Variants in IARS2 observed in about 807,000 individuals in gnomAD.
IARS2 encodes the protein isoleucyl-tRNA synthetase 2, mitochondrial, also known as isoleucine--tRNA ligase, mitochondrial.
A neutral mutation model predicts 126.3 loss-of-function variants in IARS2; 56 were observed. The ratio of observed to expected loss-of-function variants is 0.44; its 90% CI spans 0.36 to 0.55. The LOEUF (loss-of-function observed/expected upper bound fraction) is 0.55. IARS2 is among the 20% of genes least tolerant of loss of function. The probability of loss-of-function intolerance (pLI) is 0.00; values close to 1 mark genes in which losing one functional copy is unlikely to be tolerated. For missense variants in IARS2, 1,127 were observed against 1,245.9 expected, an observed-to-expected ratio of 0.90 and a Z score of 1.44; for synonymous variants, 407 against 441.1, an observed-to-expected ratio of 0.92 and a Z score of 0.97.
intron 2 of IARS2, among the ~76,000 whole-genome samples, chr1:220,100,121 G>A (rs1174677117): frequency 6.6e-6 from 1 of 152,078 alleles, no homozygotes; most frequent in Non-Finnish European, 1.5e-5. Flanking sequence ...ATTTAAAAAG[G>A]TAAATTGGTT....
intron 12 of IARS2, among the ~76,000 whole-genome samples, chr1:220,117,685 T>G (rs1656955659): frequency 6.6e-6 from 1 of 152,160 alleles, no homozygotes; most frequent in Admixed American, 6.6e-5. Context: ...ATAGGTTGAC[T>G]GGTCAGTAAG....
At chr1:220,094,559 A>T in intron 1 of IARS2, 76 bp downstream of exon 1, 1 of 1,274,184 alleles carries the variant, frequency 7.8e-7, no homozygotes, top group Non-Finnish European at 1.1e-6. Flanking sequence ...CGCAGGCGCC[A>T]CACCTCTAGG....
At chr1:220,129,040 G>T (rs1417061571) in intron 14 of IARS2, among the ~76,000 whole-genome samples, 1 of 151,900 alleles carries the variant, frequency 6.6e-6, no homozygotes, top group African/African-American at 2.4e-5. Context: ...GTGCCACCAT[G>T]CCCAGCTAAT....
At chr1:220,144,329 C>T (rs542124745) in intron 21 of IARS2, 6 of 740,736 alleles carry the variant, frequency 8.1e-6, no homozygotes, top group South Asian at 2.8e-5. Context: ...AGAGCATCAG[C>T]CAGGACATTC....
At chr1:220,095,479 T>A (rs1460236310) in intron 1 of IARS2, among the ~76,000 whole-genome samples, 1 of 152,238 alleles carries the variant, frequency 6.6e-6, no homozygotes, top group Non-Finnish European at 1.5e-5. Context: ...TTCATCTAAT[T>A]TTTTAAAGGT....
Position 220,147,579 on chromosome 1 carries a change from G to A in IARS2, c.2983G>A (p.Ala995Thr), listed in dbSNP as rs1398523485. 4.3e-6 allele frequency: 7 copies of A among 1,613,962 alleles called. No individual in the cohort carries two copies. Among genetic ancestry groups the A allele is most frequent in the Non-Finnish European group, 5.9e-6 (7 of 1,179,976 alleles). The change falls in exon 23 of 23, where the codon GCG (alanine) becomes ACG (threonine). Residue 995 changes from alanine (A) to threonine (T), a missense_variant. Physicochemically the swap from Ala to Thr is moderately conservative, Grantham distance 58. Coordinates refer to ENST00000366922, the MANE Select transcript of IARS2 (RefSeq NM_018060.4). The stretch of plus-strand genomic sequence containing the variant: ...ATGCCCCCGTTGTTGGAAGTATACA[G>A]CGGAGTCTTCAGATACACTGTGTCC... ...EKCPRCWKYTAESSDTLCPRC... is the reference protein window; with the variant it reads ...EKCPRCWKYTTESSDTLCPRC...
intron 2 of IARS2, among the ~76,000 whole-genome samples, chr1:220,097,775 A>G (rs1656477528): frequency 6.6e-6 from 1 of 152,230 alleles, no homozygotes; most frequent in East Asian, 1.9e-4. Flanking sequence ...GTTAATGGCT[A>G]CAGTGGATCA....
intron 8 of IARS2, among the ~76,000 whole-genome samples, chr1:220,104,139 A>G (rs893376575): frequency 6.6e-6 from 1 of 152,154 alleles, no homozygotes; most frequent in Non-Finnish European, 1.5e-5. Flanking sequence ...GCACCCGGCT[A>G]ATTTTGAAAA....
chr1:220,100,265 A>G (rs1656544183), intron 2 of IARS2, among the ~76,000 whole-genome samples: 1 of 152,198 alleles, frequency 6.6e-6, no homozygotes, highest in African/African-American at 2.4e-5. Context: ...AGCTCAATAT[A>G]AATAATATTA....
chr1:220,094,528 C>A (rs924227189), intron 1 of IARS2, 45 bp downstream of exon 1: 7 of 1,485,100 alleles, frequency 4.7e-6, no homozygotes, highest in Non-Finnish European at 6.2e-6. Flanking sequence ...AGGCCCGATC[C>A]GGCCGCGGGC....
Position 220,103,551 on chromosome 1 carries a change from C to T in IARS2, c.1055C>T (p.Ser352Leu). 3 of 1,602,050 alleles carry T rather than the reference C, an allele frequency of 1.9e-6. No individual in the cohort carries two copies. Among genetic ancestry groups the T allele is most frequent in the Non-Finnish European group, 2.6e-6 (3 of 1,169,212 alleles). ...STLETTFETISTLSGVDLENG... is the reference protein window; with the variant it reads ...STLETTFETILTLSGVDLENG... The stretch of plus-strand genomic sequence containing the variant: ...TTGGAAACAACATTTGAGACTATTT[C>T]AACACTTTCAGGTGAAGATTTTTAG... Residue 352 changes from serine to leucine, a missense_variant, in exon 8 of 23, where the codon TCA becomes TTA. Transcript: ENST00000366922.
intron 10 of IARS2, among the ~76,000 whole-genome samples, chr1:220,110,447 C>T (rs1656776963): frequency 6.6e-6 from 1 of 152,182 alleles, no homozygotes; most frequent in Admixed American, 6.5e-5. Flanking sequence ...CTCACTGCAA[C>T]CTCTGCCTCC....
chr1:220,118,790 C>T (rs1214435001), intron 12 of IARS2, among the ~76,000 whole-genome samples: 2 of 151,970 alleles, frequency 1.3e-5, no homozygotes, highest in Non-Finnish European at 2.9e-5. Context: ...CAAATTTTTT[C>T]TCAGTTAACA....
At chr1:220,139,481 A>T (rs1252991113) in intron 18 of IARS2, among the ~76,000 whole-genome samples, 1 of 152,160 alleles carries the variant, frequency 6.6e-6, no homozygotes, top group African/African-American at 2.4e-5. Flanking sequence ...TGGGTGTGGA[A>T]ACTCACACCT....
chr1:220,136,460 C>G (rs1263042056), intron 15 of IARS2, among the ~76,000 whole-genome samples: 1 of 151,884 alleles, frequency 6.6e-6, no homozygotes, highest in Admixed American at 6.6e-5. Flanking sequence ...AAGGTTTCGG[C>G]CGGGCAGGGT....
chr1:220,111,598 A>ATATGTGTGTGTGTG (rs374024744), intron 11 of IARS2, among the ~76,000 whole-genome samples: 8 of 134,860 alleles, frequency 5.9e-5, no homozygotes, highest in South Asian at 5.0e-4. Context: ...ATATATATAT[A>ATATGTGTGTGTGTG]TGTGTGTGTG....
At chr1:220,112,047 G>A (rs1039671585) in intron 11 of IARS2, among the ~76,000 whole-genome samples, 11 of 150,520 alleles carry the variant, frequency 7.3e-5, no homozygotes, top group African/African-American at 2.0e-4. Flanking sequence ...ATGTATTGTC[G>A]TATTCCCATC....
At chr1:220,129,546 A>G (rs1657219026) in intron 14 of IARS2, among the ~76,000 whole-genome samples, 1 of 151,992 alleles carries the variant, frequency 6.6e-6, no homozygotes, top group Admixed American at 6.6e-5. Context: ...CTGTCATTCT[A>G]CTTTCTACCT....
chr1:220,114,203 A>G, intron 11 of IARS2, 111 bp from the exon 12 acceptor site: 1 of 889,312 alleles, frequency 1.1e-6, no homozygotes, highest in Admixed American at 1.9e-5. Flanking sequence ...TAAGGGAGGT[A>G]TGTGAATGGC....
Sources: gnomAD v4.1 joint callset for allele counts (sites outside exome capture counted in the v4.1 genomes callset) on GRCh38, gnomAD v4.1.1 for gene constraint, MANE v1.5 for transcripts, NCBI Gene and HGNC (gene_info 2026-07-23, HGNC 2026-07-21) for gene names.